VOPP1: variants seen among roughly 807,000 people sequenced by gnomAD.
The protein encoded by VOPP1 is WW domain binding protein VOPP1.
A neutral mutation model predicts 23.5 loss-of-function variants in VOPP1; 8 were observed. The ratio of observed to expected loss-of-function variants is 0.34; its 90% CI spans 0.20 to 0.61. VOPP1 has a LOEUF of 0.61. VOPP1 is among the 20% of genes least tolerant of loss of function. VOPP1 has a pLI of 0.78. For missense variants in VOPP1, 174 were observed against 238.1 expected (o/e 0.73, Z 1.77); for synonymous variants, 83 against 97.3 (o/e 0.85, Z 0.86).
chr7:55,491,276 TAC>T (rs1793547254), intron 4 of VOPP1, among the ~76,000 whole-genome samples: 1 of 152,258 alleles, frequency 6.6e-6, no homozygotes, highest in Admixed American at 6.5e-5. Flanking sequence ...AATTATACAT[TAC>T]AGTTGTATTA....
At chr7:55,559,195 G>A (rs1370383381) in intron 1 of VOPP1, among the ~76,000 whole-genome samples, 1 of 152,086 alleles carries the variant, frequency 6.6e-6, no homozygotes, top group African/African-American at 2.4e-5. Context: ...TAAACAGGGT[G>A]GAGTTTAAAA....
chr7:55,535,435 A>G (rs949966424), intron 1 of VOPP1, among the ~76,000 whole-genome samples: 2 of 152,174 alleles, frequency 1.3e-5, no homozygotes, highest in African/African-American at 4.8e-5. Flanking sequence ...CTGAGGGTGA[A>G]GTACAGACCC....
downstream of VOPP1, among the ~76,000 whole-genome samples, chr7:55,466,570 T>C (rs1406380756): frequency 6.6e-6 from 1 of 152,124 alleles, no homozygotes; most frequent in East Asian, 1.9e-4. Flanking sequence ...CAAGGTGGGA[T>C]TGGGATTGTG....
At chr7:55,449,775 A>C (rs1220472399) in intron 4 of VOPP1, among the ~76,000 whole-genome samples, 1 of 151,552 alleles carries the variant, frequency 6.6e-6, no homozygotes, top group East Asian at 2.0e-4. Flanking sequence ...CCACCCCCGC[A>C]CTGTGCCCTC....
chr7:55,535,161 G>A (rs539880774), intron 1 of VOPP1, among the ~76,000 whole-genome samples: 4 of 152,310 alleles, frequency 2.6e-5, no homozygotes, highest in Admixed American at 6.5e-5. Flanking sequence ...AGGGGGCTAC[G>A]CAGGGCTCTG....
chr7:55,444,347 A>G (rs1177017750), intron 4 of VOPP1, among the ~76,000 whole-genome samples: 1 of 152,218 alleles, frequency 6.6e-6, no homozygotes, highest in Non-Finnish European at 1.5e-5. Flanking sequence ...CAGGAAGGAC[A>G]TGAATTTTGA....
chr7:55,543,116 C>T (rs1797206333), intron 1 of VOPP1, among the ~76,000 whole-genome samples: 1 of 151,988 alleles, frequency 6.6e-6, no homozygotes, highest in Admixed American at 6.6e-5. Context: ...AGGGTTTCAC[C>T]GTGTTAGCCA....
intron 1 of VOPP1, among the ~76,000 whole-genome samples, chr7:55,524,023 G>C (rs1796026857): frequency 1.3e-5 from 2 of 152,118 alleles, no homozygotes; most frequent in Admixed American, 1.3e-4. Context: ...TTTAGGCCAG[G>C]GGCAACTAAG....
chr7:55,481,651 G>A (rs756895052), intron 4 of VOPP1, among the ~76,000 whole-genome samples: 21 of 152,208 alleles, frequency 1.4e-4, no homozygotes, highest in Non-Finnish European at 2.4e-4. Flanking sequence ...AGTGGGTGCA[G>A]AGCATGCATT....
At chr7:55,508,854 GTTCA>G (rs1300242020) in intron 2 of VOPP1, among the ~76,000 whole-genome samples, 1 of 152,056 alleles carries the variant, frequency 6.6e-6, no homozygotes, top group African/African-American at 2.4e-5. Context: ...CTGCCTATGA[GTTCA>G]TAGTGAGATC....
chr7:55,456,353 G>A (rs1013643203), intron 4 of VOPP1, among the ~76,000 whole-genome samples: 15 of 152,224 alleles, frequency 9.9e-5, no homozygotes, highest in South Asian at 2.1e-4. Context: ...GTTGGTGGAA[G>A]TGTAAATTAG....
chr7:55,532,388 G>A (rs1053609703), intron 1 of VOPP1, among the ~76,000 whole-genome samples: 3 of 152,190 alleles, frequency 2.0e-5, no homozygotes, highest in Non-Finnish European at 4.4e-5. Flanking sequence ...AACAGTGTAT[G>A]CGAACCACCT....
chr7:55,504,094 G>C (rs1794550670), intron 2 of VOPP1, among the ~76,000 whole-genome samples: 1 of 152,120 alleles, frequency 6.6e-6, no homozygotes, highest in Non-Finnish European at 1.5e-5. Context: ...CTGCCTGCAG[G>C]ATTAACCCTC....
chr7:55,505,397 C>T (rs966829160), intron 2 of VOPP1, among the ~76,000 whole-genome samples: 3 of 152,082 alleles, frequency 2.0e-5, no homozygotes, highest in Non-Finnish European at 4.4e-5. Context: ...AAGAAGGTTG[C>T]ACCACGAAGT....
intron 2 of VOPP1, among the ~76,000 whole-genome samples, chr7:55,512,327 GA>G (rs1054602509): frequency 3.3e-5 from 5 of 152,242 alleles, no homozygotes; most frequent in Middle Eastern, 3.4e-3. Context: ...CCAGGAGGCT[GA>G]GACAGGAGAG....
intron 1 of VOPP1, chr7:55,561,790 T>A: frequency 4.1e-6 from 2 of 483,758 alleles, no homozygotes; most frequent in East Asian, 3.6e-5. Flanking sequence ...GTATCTGAGC[T>A]CAGAGCACGT....
intron 4 of VOPP1, among the ~76,000 whole-genome samples, chr7:55,487,858 T>TGCCA (rs1307163547): frequency 2.0e-5 from 3 of 152,178 alleles, no homozygotes; most frequent in African/African-American, 4.8e-5. Context: ...GGCCACCTCC[T>TGCCA]GCCAGCCAGC....
chr7:55,492,555 G>A (rs1793660455), intron 3 of VOPP1, 137 bp from the exon 4 acceptor site: 6 of 1,103,564 alleles, frequency 5.4e-6, no homozygotes, highest in Non-Finnish European at 6.2e-6. Context: ...GAAGGCAAGG[G>A]CAGAGCCATG....
intron 1 of VOPP1, among the ~76,000 whole-genome samples, chr7:55,555,265 T>C (rs1008495317): frequency 1.1e-4 from 16 of 152,166 alleles, no homozygotes; most frequent in Non-Finnish European, 2.1e-4. Flanking sequence ...GTGCTCTGCA[T>C]GGACAGCTTG....
Sources: allele counts gnomAD v4.1 joint callset (sites outside exome capture counted in the v4.1 genomes callset), GRCh38; gene constraint gnomAD v4.1.1; transcripts MANE v1.5; gene names NCBI Gene and HGNC (gene_info 2026-07-23, HGNC 2026-07-21).